FNDC3B: variants seen among roughly 807,000 people sequenced by gnomAD.
FNDC3B encodes fibronectin type III domain-containing protein 3B.
Under a neutral mutation model 151.5 loss-of-function variants are expected in FNDC3B, and 12 were observed. That is an observed-to-expected ratio of 0.08 (90% CI 0.05 to 0.13). The LOEUF (loss-of-function observed/expected upper bound fraction) is 0.13. Ranked by LOEUF, FNDC3B falls within the 10% of genes least tolerant of loss-of-function variation. FNDC3B has a pLI of 1.00. For synonymous variants in FNDC3B, 528 were observed against 549.0 expected, an observed-to-expected ratio of 0.96 and a Z score of 0.54; for missense variants, 1,214 against 1,505.3, an observed-to-expected ratio of 0.81 and a Z score of 3.20.
intron 3 of FNDC3B, among the ~76,000 whole-genome samples, chr3:172,172,349 A>T (rs1367547329): frequency 1.3e-5 from 2 of 152,254 alleles, no homozygotes; most frequent in African/African-American, 4.8e-5. Context: ...TCAAGTAAGG[A>T]ACAGCGAAGT....
chr3:172,169,746 C>G (rs1723195414), intron 3 of FNDC3B, among the ~76,000 whole-genome samples: 1 of 152,212 alleles, frequency 6.6e-6, no homozygotes, highest in African/African-American at 2.4e-5. Flanking sequence ...AGCAGTTGCT[C>G]TGCTCATTTC....
At chr3:172,166,698 T>C (rs1300363916) in intron 3 of FNDC3B, among the ~76,000 whole-genome samples, 1 of 151,796 alleles carries the variant, frequency 6.6e-6, no homozygotes, top group Non-Finnish European at 1.5e-5. Context: ...GAGGCTGCAG[T>C]GCCCTATGAT....
At chr3:172,330,440 C>T in intron 12 of FNDC3B, 101 bp from the exon 13 acceptor site, 5 of 1,023,366 alleles carry the variant, frequency 4.9e-6, no homozygotes, top group Non-Finnish European at 7.1e-6. Flanking sequence ...ACTCTACCTG[C>T]TAGGCTGAGT....
intron 25 of FNDC3B, among the ~76,000 whole-genome samples, chr3:172,390,349 T>C (rs1251307059): frequency 6.6e-6 from 1 of 152,238 alleles, no homozygotes; most frequent in Admixed American, 6.5e-5. Context: ...TAACTATTTA[T>C]ATTATTTTAC....
chr3:172,269,624 T>G (rs1306806779), intron 6 of FNDC3B, among the ~76,000 whole-genome samples: 3 of 151,862 alleles, frequency 2.0e-5, no homozygotes, highest in Non-Finnish European at 2.9e-5. Flanking sequence ...TGTGTGGTTT[T>G]TTTGTTTGTT....
At chr3:172,292,807 A>G (rs947570440) in intron 7 of FNDC3B, among the ~76,000 whole-genome samples, 2 of 152,236 alleles carry the variant, frequency 1.3e-5, no homozygotes, top group African/African-American at 4.8e-5. Flanking sequence ...CATTAATGGT[A>G]TGTGAAGGAA....
intron 12 of FNDC3B, 128 bp from the exon 13 acceptor site, chr3:172,330,413 C>T (rs1373000401): frequency 2.8e-6 from 2 of 718,012 alleles, no homozygotes; most frequent in Non-Finnish European, 4.5e-6. Flanking sequence ...ACACAGCATC[C>T]TTACCTGGCT....
chr3:172,368,090 T>C (rs1312197797), intron 23 of FNDC3B, among the ~76,000 whole-genome samples: 1 of 152,050 alleles, frequency 6.6e-6, no homozygotes, highest in African/African-American at 2.4e-5. Context: ...AGCAGCATAG[T>C]GAGACCCTTT....
At chr3:172,345,588 C>A (rs768250574) in intron 19 of FNDC3B, among the ~76,000 whole-genome samples, 1 of 152,046 alleles carries the variant, frequency 6.6e-6, no homozygotes. Context: ...TTGTTTCCCC[C>A]CTCCCCGCCG....
intron 1 of FNDC3B, among the ~76,000 whole-genome samples, chr3:172,070,537 C>G (rs537268887): frequency 6.6e-6 from 1 of 152,224 alleles, no homozygotes; most frequent in South Asian, 2.1e-4. Flanking sequence ...TAGTGGCTGA[C>G]GAGGGGAGAA....
chr3:172,264,276 C>T (rs908539933), intron 6 of FNDC3B, among the ~76,000 whole-genome samples: 17 of 152,192 alleles, frequency 1.1e-4, no homozygotes, highest in African/African-American at 3.6e-4. Flanking sequence ...AGATTACAGG[C>T]GTGAGTCACC....
chr3:172,294,647 A>G (rs1730501885), intron 7 of FNDC3B, among the ~76,000 whole-genome samples: 2 of 152,232 alleles, frequency 1.3e-5, no homozygotes, highest in South Asian at 4.1e-4. Context: ...GCGGGGGTCT[A>G]TCAATAAACA....
At chr3:172,236,911 C>T (rs1481715951) in intron 4 of FNDC3B, among the ~76,000 whole-genome samples, 2 of 152,346 alleles carry the variant, frequency 1.3e-5, no homozygotes, top group Non-Finnish European at 2.9e-5. Context: ...TCAGGGGTTA[C>T]TGTCATTGGA....
At chr3:172,214,002 A>G (rs1397030144) in intron 3 of FNDC3B, among the ~76,000 whole-genome samples, 2 of 30,380 alleles carry the variant, frequency 6.6e-5, no homozygotes, top group Non-Finnish European at 1.5e-4. Flanking sequence ...AGAAGCATCT[A>G]TGGTGCCGCG....
rs1197906641 is a variant in FNDC3B, at chr3:172,398,387, T to G, written c.*912T>G. The G allele has an allele frequency of 1.3e-5, 2 of 152,668 alleles. No homozygotes were observed. Among genetic ancestry groups the G allele is most frequent in the African/African-American group, 2.4e-5 (1 of 41,458 alleles). 9.5% of individuals were successfully genotyped at this position (152,668 alleles called of 1,614,324 possible). Reference sequence around the variant, plus strand: ...AGTGCCTCTGCCCATTGTCCATGATTTACACTAATTGTGAGCAGTCTTCTT... The same window carrying G: ...AGTGCCTCTGCCCATTGTCCATGATGTACACTAATTGTGAGCAGTCTTCTT... On this transcript the variant is annotated 3_prime_UTR_variant, in exon 26 of 26. Coordinates refer to ENST00000415807, the MANE Select transcript of FNDC3B (RefSeq NM_022763.4).
chr3:172,099,791 C>T (rs1485473744), intron 1 of FNDC3B, among the ~76,000 whole-genome samples: 1 of 152,180 alleles, frequency 6.6e-6, no homozygotes, highest in Non-Finnish European at 1.5e-5. Context: ...ATTTGTTCTT[C>T]CTTTAGACCC....
intron 6 of FNDC3B, among the ~76,000 whole-genome samples, chr3:172,255,416 A>G (rs1728281984): frequency 6.6e-6 from 1 of 152,096 alleles, no homozygotes; most frequent in African/African-American, 2.4e-5. Flanking sequence ...TTACAGGCGC[A>G]CACCACCATG....
At chr3:172,225,884 T>G (rs945190447) in intron 3 of FNDC3B, 4 of 152,412 alleles carry the variant, frequency 2.6e-5, no homozygotes, top group Non-Finnish European at 5.9e-5. Context: ...TTGCTTGTGG[T>G]TCCATCCCAG....
chr3:172,331,443 CG>C (rs1732656878), intron 13 of FNDC3B, among the ~76,000 whole-genome samples: 1 of 152,104 alleles, frequency 6.6e-6, no homozygotes, highest in South Asian at 2.1e-4. Flanking sequence ...CCTCAAGCTC[CG>C]CCTCCCAAGT....
Sources: gnomAD v4.1 joint callset for allele counts (sites outside exome capture counted in the v4.1 genomes callset) on GRCh38, gnomAD v4.1.1 for gene constraint, MANE v1.5 for transcripts, NCBI Gene and HGNC (gene_info 2026-07-23, HGNC 2026-07-21) for gene names.